Variants in DHRS4 observed in about 807,000 individuals in gnomAD.
DHRS4 encodes the protein dehydrogenase/reductase 4, also known as dehydrogenase/reductase SDR family member 4.
DHRS4 carries 20 observed loss-of-function variants against 28.4 expected under a neutral mutation model. The observed-to-expected ratio is 0.71, with a 90% CI of 0.50 to 1.02. The LOEUF is 1.02. Ranked by LOEUF, DHRS4 falls within the 50% of genes least tolerant of loss-of-function variation. DHRS4 has a pLI of 0.00. For synonymous variants in DHRS4, 144 were observed against 146.4 expected, an observed-to-expected ratio of 0.98 and a Z score of 0.12; for missense variants, 378 against 367.2, an observed-to-expected ratio of 1.03 and a Z score of -0.24.
In DHRS4 at chr14:23,969,130, A is replaced by G. The variant is rs2033762343; in HGVS notation, c.*259A>G. Reference sequence around the variant, plus strand: ...CTGACAAGGCTGAGTCTACCTTGGCAAAGACCAAGATATTTTTTCCCGGGC... The same window carrying G: ...CTGACAAGGCTGAGTCTACCTTGGCGAAGACCAAGATATTTTTTCCCGGGC... On this transcript the variant is annotated 3_prime_UTR_variant, in exon 8 of 8. Coordinates refer to ENST00000313250, the MANE Select transcript of DHRS4 (RefSeq NM_021004.4). 4.0e-6 allele frequency: 2 copies of G among 496,256 alleles called. No individual in the cohort carries two copies. Among genetic ancestry groups the G allele is most frequent in the South Asian group, 3.4e-5 (1 of 29,630 alleles). 30.7% of individuals were successfully genotyped at this position (496,256 alleles called of 1,614,324 possible). A position where few individuals can be genotyped will look rare whatever the true frequency, so the allele number is the denominator to read the frequency against.
chr14:23,959,706 A>G (rs999931331), intron 2 of DHRS4, among the ~76,000 whole-genome samples, 196 bp from the exon 3 acceptor site: 2 of 151,776 alleles, frequency 1.3e-5, no homozygotes, highest in African/African-American at 4.9e-5. Flanking sequence ...TAATATAAAG[A>G]TAAGGTCTCG....
At position 23,968,980 on chromosome 14, in the gene DHRS4, C is replaced by A. The variant is rs4706; in HGVS notation, c.*109C>A. 541,018 of 1,372,934 alleles carry A rather than the reference C, an allele frequency of 0.39. 113,980 individuals are homozygous for A. Among genetic ancestry groups the A allele is most frequent in the East Asian group, 0.78 (29,121 of 37,190 alleles). The allele number at this position is 1,372,934 out of a possible 1,614,324, so 85.0% of individuals were successfully genotyped here. ...CTGCTCACCTTACTGTTCACCTCAT[C>A]AAATCAGTTCTGCCCTGTGAAAAGA... On this transcript the variant is annotated 3_prime_UTR_variant, in exon 8 of 8. Transcript: ENST00000313250.
In DHRS4 at chr14:23,968,955, C is replaced by A. The variant is rs1165711414; in HGVS notation, c.*84C>A. Reference sequence around the variant, plus strand: ...ATTCACCCACTGGCCTTTCCCACCTCTGCTCACCTTACTGTTCACCTCATC... The same window carrying A: ...ATTCACCCACTGGCCTTTCCCACCTATGCTCACCTTACTGTTCACCTCATC... On this transcript the variant is annotated 3_prime_UTR_variant, in exon 8 of 8. Transcript: ENST00000313250. 6.5e-7 allele frequency: 1 copy of A among 1,548,914 alleles called. No homozygotes were observed. Among genetic ancestry groups the A allele is most frequent in the Non-Finnish European group, 8.7e-7 (1 of 1,146,596 alleles).
In DHRS4 at chr14:23,961,067, C is replaced by G. The variant is rs1412695013; in HGVS notation, c.408+1064C>G. Among the ~76,000 whole-genome samples, 3 of 151,930 alleles carry G rather than the reference C, an allele frequency of 2.0e-5. No individual in the cohort carries two copies. The East Asian group carries it at 5.8e-4, about 29-fold the overall frequency. ...GGGCACCAAGCCATTCATAAGGGAT[C>G]CACCCTCATGACCCAAACACCTCAC... On this transcript the variant is annotated intron_variant, in intron 3 of 7. Transcript: ENST00000313250.
At chr14:23,956,203 A>C (rs1046738385) in intron 2 of DHRS4, among the ~76,000 whole-genome samples, 33 of 152,258 alleles carry the variant, frequency 2.2e-4, no homozygotes, top group Admixed American at 1.3e-4. Context: ...AGCTTGGCTT[A>C]GGCTGATGGA....
Position 23,969,056 on chromosome 14 carries a change from T to C in DHRS4, c.*185T>C. 1.6e-6 allele frequency: 2 copies of C among 1,285,980 alleles called. No individual in the cohort carries two copies. Among genetic ancestry groups the C allele is most frequent in the Non-Finnish European group, 2.1e-6 (2 of 966,398 alleles). 79.7% of individuals were successfully genotyped at this position (1,285,980 alleles called of 1,614,324 possible). ...GCGTCTTACTCGGGATTTCTGCTGTTGTTGTGGCCTTGGGTAAAGGCCTCC... is the reference window on the plus strand; with the variant it reads ...GCGTCTTACTCGGGATTTCTGCTGTCGTTGTGGCCTTGGGTAAAGGCCTCC... On this transcript the variant is annotated 3_prime_UTR_variant, in exon 8 of 8. Transcript: ENST00000313250.
chr14:23,966,141 G>A, intron 5 of DHRS4, 142 bp from the exon 6 acceptor site: 1 of 1,586,350 alleles, frequency 6.3e-7, no homozygotes, highest in Admixed American at 1.7e-5. Flanking sequence ...ACAACCTAGG[G>A]GAGGTTTAGC....
chr14:23,958,704 G>A (rs1458983182), intron 2 of DHRS4, among the ~76,000 whole-genome samples: 2 of 152,108 alleles, frequency 1.3e-5, no homozygotes, highest in African/African-American at 4.8e-5. Flanking sequence ...GGCTCTCCTG[G>A]GCAACCAGTT....
At chr14:23,956,598 C>CTTT (rs1566469327) in intron 2 of DHRS4, among the ~76,000 whole-genome samples, 3 of 127,038 alleles carry the variant, frequency 2.4e-5, no homozygotes, top group African/African-American at 9.0e-5. Flanking sequence ...GCCTCCATAT[C>CTTT]CTTTTTTTTT....
chr14:23,955,212 G>A lies in DHRS4; in HGVS notation c.306G>A (p.Thr102=), dbSNP rs139945419. The A allele has an allele frequency of 2.9e-5, 46 of 1,612,100 alleles. No homozygotes were observed. Among genetic ancestry groups the A allele is most frequent in the South Asian group, 1.7e-4 (15 of 90,836 alleles). ...AGGACCGGGAGCGGCTGGTGGCCACGGTGAGCTGCAGGGAAATGGGCACAG... is the reference window on the plus strand; with the variant it reads ...AGGACCGGGAGCGGCTGGTGGCCACAGTGAGCTGCAGGGAAATGGGCACAG... ...KAEDRERLVA[T]AVKLHGGIDI... Residue 102 remains threonine, a splice_region_variant and synonymous_variant, in exon 2 of 8, where the codon ACG becomes ACA. Transcript: ENST00000313250.
intron 3 of DHRS4, among the ~76,000 whole-genome samples, chr14:23,962,657 G>A (rs1010539844): frequency 2.0e-4 from 30 of 151,624 alleles, no homozygotes; most frequent in African/African-American, 4.1e-4. Flanking sequence ...ACCCTTCCAC[G>A]TCATCCATGA....
chr14:23,953,903 G>A lies in DHRS4; in HGVS notation c.115G>A (p.Ala39Thr). Residue 39 changes from alanine to threonine, a missense_variant, in exon 1 of 8, where the codon GCC (alanine) becomes ACC (threonine). By Grantham distance (58) the Ala-to-Thr change is moderately conservative. Coordinates refer to ENST00000313250, the MANE Select transcript of DHRS4 (RefSeq NM_021004.4). ...CGCAAATAAGGTGGCCCTGGTAACG[G>A]CCTCCACCGACGGGTGAGTGCTCCG... ...PLANKVALVT[A>T]STDGIGFAIA... 1 of 1,596,674 alleles carries A rather than the reference G, an allele frequency of 6.3e-7. No homozygotes were observed. Among genetic ancestry groups the A allele is most frequent in the Non-Finnish European group, 8.5e-7 (1 of 1,172,138 alleles).
Position 23,954,972 on chromosome 14 carries a change from C to T in DHRS4, c.129-63C>T, listed in dbSNP as rs146356650. The T allele has an allele frequency of 7.0e-4, 1,130 of 1,603,890 alleles. 6 individuals carry two copies. The African/African-American group carries it at 0.014, about 20-fold the overall frequency. ...AACCCGGGCAGTCTTAACTTCAGAGCTCATACTGTCGACCTCTTCCCCTGC... is the reference window on the plus strand; with the variant it reads ...AACCCGGGCAGTCTTAACTTCAGAGTTCATACTGTCGACCTCTTCCCCTGC... On this transcript the variant is annotated intron_variant, in intron 1 of 7. Transcript: ENST00000313250.
intron 2 of DHRS4, among the ~76,000 whole-genome samples, chr14:23,958,382 A>C (rs1214444380): frequency 2.0e-5 from 3 of 152,178 alleles, no homozygotes; most frequent in Admixed American, 6.5e-5. Flanking sequence ...GTGTACTGCA[A>C]CTTGCCCAAG....
intron 6 of DHRS4, among the ~76,000 whole-genome samples, chr14:23,966,876 C>T (rs1412204005): frequency 6.6e-6 from 1 of 152,290 alleles, no homozygotes; most frequent in Non-Finnish European, 1.5e-5. Flanking sequence ...AAAGAGATTT[C>T]TGGGTGGGGT....
chr14:23,966,075 T>G (rs2033604706), intron 5 of DHRS4, 92 bp downstream of exon 5: 1 of 1,604,930 alleles, frequency 6.2e-7, no homozygotes, highest in South Asian at 1.1e-5. Context: ...TGTCCCCTTG[T>G]AGAATCACAC....
At chr14:23,966,755 A>G (rs578183879) in intron 6 of DHRS4, among the ~76,000 whole-genome samples, 3 of 152,376 alleles carry the variant, frequency 2.0e-5, no homozygotes, top group African/African-American at 7.2e-5. Context: ...GGGAGCTAGA[A>G]AAAAATAGGA....
Position 23,966,402 on chromosome 14 carries a change from T to C in DHRS4, c.651T>C (p.Thr217=), listed in dbSNP as rs370120638. ...VNCLAPGLIK[T]SFSRMLWMDK... ...GCCTAGCACCTGGACTTATCAAGAC[T>C]AGCTTCAGCAGGATGGTGAGGAAGG... Residue 217 remains threonine, a synonymous_variant, in exon 6 of 8, where the codon ACT becomes ACC. Transcript: ENST00000313250. 6.8e-6 allele frequency: 11 copies of C among 1,613,712 alleles called. No individual in the cohort carries two copies. The African/African-American group carries it at 1.3e-4, about 20-fold the overall frequency.
intron 2 of DHRS4, among the ~76,000 whole-genome samples, chr14:23,955,501 C>G (rs768862492): frequency 1.4e-4 from 21 of 152,300 alleles, no homozygotes; most frequent in South Asian, 4.1e-4. Context: ...TCACAAAATA[C>G]ATGTTCCCAC....
Sources: gnomAD v4.1 joint callset for allele counts (sites outside exome capture counted in the v4.1 genomes callset) on GRCh38, gnomAD v4.1.1 for gene constraint, MANE v1.5 for transcripts, NCBI Gene and HGNC (gene_info 2026-07-23, HGNC 2026-07-21) for gene names.